The following ELL2 variants were observed in gnomAD, a reference collection of about 807,000 sequenced individuals.
ELL2 encodes the protein elongation factor for RNA polymerase II 2, also known as RNA polymerase II elongation factor ELL2.
A neutral mutation model predicts 72.8 loss-of-function variants in ELL2; 21 were observed. The ratio of observed to expected loss-of-function variants is 0.29; its 90% CI spans 0.20 to 0.42. The LOEUF is 0.42. ELL2 is among the 10% of genes least tolerant of loss of function. The pLI is 1.00. For synonymous variants in ELL2, 266 were observed against 283.2 expected, an observed-to-expected ratio of 0.94 and a Z score of 0.61; for missense variants, 568 against 772.8, an observed-to-expected ratio of 0.73 and a Z score of 3.14.
At chr5:95,927,436 T>C (rs1162170009) in intron 2 of ELL2, among the ~76,000 whole-genome samples, 3 of 45,366 alleles carry the variant, frequency 6.6e-5, no homozygotes, top group Non-Finnish European at 1.1e-4. Context: ...CACACACACG[T>C]GTGTATATAG....
chr5:95,931,821 A>AAAAAAAC (rs10627429), intron 2 of ELL2, among the ~76,000 whole-genome samples: 2 of 149,866 alleles, frequency 1.3e-5, no homozygotes, highest in East Asian at 1.9e-4. Flanking sequence ...AAAAAAAAAA[A>AAAAAAAC]TACTGCTTTC....
In ELL2 at chr5:95,943,067, A is replaced by AG. The variant is rs767523150; in HGVS notation, c.148-19dup. 1.0e-4 allele frequency: 165 copies of AG among 1,593,728 alleles called. No homozygotes were observed. The highest frequency in any genetic ancestry group is 1.4e-4 in the Non-Finnish European group (161 of 1,169,168). On this transcript the variant is annotated intron_variant, in intron 1 of 11. Coordinates refer to ENST00000237853, the MANE Select transcript of ELL2 (RefSeq NM_012081.6). ...ATTAAATTCTATTAAAAGAAACAAA[A>AG]GAAACAAACAGGTAAACCTTGGTTA... is the stretch of plus-strand genomic sequence containing the variant.
intron 5 of ELL2, among the ~76,000 whole-genome samples, chr5:95,903,364 G>A (rs973032974): frequency 2.6e-5 from 4 of 151,534 alleles, no homozygotes; most frequent in African/African-American, 4.9e-5. Context: ...GATTATAGGC[G>A]CCTGTCACCA....
At chr5:95,946,830 C>T (rs542264893) in intron 1 of ELL2, among the ~76,000 whole-genome samples, 1 of 152,318 alleles carries the variant, frequency 6.6e-6, no homozygotes, top group African/African-American at 2.4e-5. Context: ...CTCAGTGAGA[C>T]CTTCCTTTGG....
At chr5:95,960,938 ACTGC>A (rs1176214497) in intron 1 of ELL2, among the ~76,000 whole-genome samples, 8 of 150,726 alleles carry the variant, frequency 5.3e-5, no homozygotes, top group Non-Finnish European at 1.2e-4. Flanking sequence ...CCTTACACGG[ACTGC>A]CTAAGTCCCT....
At chr5:95,947,721 C>A (rs921859679) in intron 1 of ELL2, among the ~76,000 whole-genome samples, 1 of 152,016 alleles carries the variant, frequency 6.6e-6, no homozygotes, top group Non-Finnish European at 1.5e-5. Context: ...AATGTGTTAC[C>A]CCCTAGTGCT....
intron 1 of ELL2, among the ~76,000 whole-genome samples, chr5:95,958,569 T>C (rs879115308): frequency 8.5e-5 from 13 of 152,228 alleles, no homozygotes; most frequent in Non-Finnish European, 5.9e-5. Context: ...CCTGCTTGCT[T>C]GTCCACACCC....
chr5:95,958,901 T>C (rs548165745), intron 1 of ELL2, among the ~76,000 whole-genome samples: 7 of 140,456 alleles, frequency 5.0e-5, no homozygotes, highest in Admixed American at 3.5e-4. Flanking sequence ...TCTTAAAAAG[T>C]AATTTTTTTT....
intron 2 of ELL2, among the ~76,000 whole-genome samples, chr5:95,928,662 T>G (rs952251857): frequency 2.0e-5 from 3 of 152,240 alleles, no homozygotes; most frequent in Non-Finnish European, 4.4e-5. Context: ...TCCTCTGCTT[T>G]GGCTCAGTAT....
At chr5:95,926,426 T>C (rs1278784849) in intron 2 of ELL2, among the ~76,000 whole-genome samples, 2 of 152,184 alleles carry the variant, frequency 1.3e-5, no homozygotes, top group East Asian at 1.9e-4. Flanking sequence ...TGCCAAATTT[T>C]TCTAGCACAA....
intron 2 of ELL2, among the ~76,000 whole-genome samples, chr5:95,936,989 T>G (rs1362407185): frequency 6.6e-6 from 1 of 152,232 alleles, no homozygotes; most frequent in Non-Finnish European, 1.5e-5. Flanking sequence ...TCTATCATGG[T>G]GCCTGGTACA....
chr5:95,954,155 G>A (rs751189270), intron 1 of ELL2, among the ~76,000 whole-genome samples: 49 of 152,020 alleles, frequency 3.2e-4, no homozygotes, highest in Non-Finnish European at 4.1e-4. Flanking sequence ...ATATCTGTCT[G>A]CCTCAAACTC....
intron 7 of ELL2, chr5:95,900,479 A>G: frequency 2.7e-6 from 1 of 374,050 alleles, no homozygotes; most frequent in Non-Finnish European, 4.8e-6. Context: ...GTAGACATTA[A>G]GTACTCTGAC....
chr5:95,940,928 T>A (rs1417332216), intron 2 of ELL2, among the ~76,000 whole-genome samples: 2 of 152,132 alleles, frequency 1.3e-5, no homozygotes, highest in Non-Finnish European at 2.9e-5. Context: ...GACTCTTTGT[T>A]TTTACTAAGT....
intron 2 of ELL2, among the ~76,000 whole-genome samples, chr5:95,938,478 C>T (rs1173096628): frequency 2.0e-5 from 3 of 152,152 alleles, no homozygotes; most frequent in Non-Finnish European, 4.4e-5. Context: ...AATCCCAGGT[C>T]TTTGGGAAGC....
At chr5:95,912,781 A>T (rs1197962771) in intron 4 of ELL2, among the ~76,000 whole-genome samples, 1 of 152,244 alleles carries the variant, frequency 6.6e-6, no homozygotes, top group Non-Finnish European at 1.5e-5. Context: ...AGAAGTACTT[A>T]TTAAAGACAC....
At chr5:95,960,404 C>T (rs1751783223) in intron 1 of ELL2, among the ~76,000 whole-genome samples, 1 of 152,030 alleles carries the variant, frequency 6.6e-6, no homozygotes, top group Non-Finnish European at 1.5e-5. Context: ...CGTCCCTTCT[C>T]GGTGCTTCCC....
Position 95,919,441 on chromosome 5 carries a change from G to C in ELL2, c.300C>G (p.Ile100Met). ...KDNPQGSFDC[I>M]QQTFSSSGAS... is the part of the protein sequence containing the mutation. ...GTACTTACCTGGAGAATGTTTGCTG[G>C]ATGCAGTCAAAGCTGCCCTGAGGGT... is the stretch of plus-strand genomic sequence containing the variant. The change falls in exon 3 of 12, where the codon ATC (isoleucine) becomes ATG (methionine). Residue 100 changes from isoleucine (I) to methionine (M), a missense_variant. By Grantham distance (10) the Ile-to-Met change is conservative. This residue lies in a region of ELL2 where 511 missense variants were observed against 728.4 expected (regional missense o/e 0.70). Transcript: ENST00000237853. 1.9e-6 allele frequency: 3 copies of C among 1,584,136 alleles called. No homozygotes were observed. The highest frequency in any genetic ancestry group is 2.6e-6 in the Non-Finnish European group (3 of 1,171,080).
At chr5:95,913,026 T>C (rs1473210292) in intron 4 of ELL2, among the ~76,000 whole-genome samples, 1 of 152,256 alleles carries the variant, frequency 6.6e-6, no homozygotes, top group African/African-American at 2.4e-5. Flanking sequence ...TTGATAATTC[T>C]ATTACTGTTA....
Sources: allele counts gnomAD v4.1 joint callset (sites outside exome capture counted in the v4.1 genomes callset), GRCh38; gene constraint gnomAD v4.1.1; regional missense constraint gnomAD v4.1.1; transcripts MANE v1.5; gene names NCBI Gene and HGNC (gene_info 2026-07-23, HGNC 2026-07-21).